The following NREP variants were observed in gnomAD, a reference collection of about 807,000 sequenced individuals.
The protein encoded by NREP is neuronal regeneration related protein, also known as neuronal regeneration-related protein.
NREP carries 5 observed loss-of-function variants against 8.6 expected under a neutral mutation model. The ratio of observed to expected loss-of-function variants is 0.58; its 90% CI spans 0.30 to 1.22. The LOEUF (loss-of-function observed/expected upper bound fraction) is 1.22. NREP is among the 50% of genes most tolerant of loss of function. The pLI is 0.07. For missense variants in NREP, 86 were observed against 82.5 expected (o/e 1.04, Z -0.17); for synonymous variants, 27 against 28.0 (o/e 0.96, Z 0.11).
At chr5:111,840,890 G>C (rs943959503) in intron 2 of NREP, among the ~76,000 whole-genome samples, 6 of 152,074 alleles carry the variant, frequency 3.9e-5, no homozygotes, top group African/African-American at 7.2e-5. Context: ...GCAAGGGTGT[G>C]AAAGAGAAAG....
intron 2 of NREP, among the ~76,000 whole-genome samples, chr5:111,884,337 T>G (rs1754177758): frequency 1.3e-5 from 2 of 151,624 alleles, no homozygotes; most frequent in African/African-American, 4.9e-5. Context: ...AATCAATAGT[T>G]TACCAACCAA....
intron 2 of NREP, among the ~76,000 whole-genome samples, chr5:111,889,364 C>T (rs1431146075): frequency 6.6e-6 from 1 of 152,190 alleles, no homozygotes; most frequent in Non-Finnish European, 1.5e-5. Flanking sequence ...GAAGGTGGCA[C>T]TAAACCACTC....
chr5:111,735,315 A>G, intron 3 of NREP, 115 bp downstream of exon 3: 1 of 629,386 alleles, frequency 1.6e-6, no homozygotes, highest in Non-Finnish European at 2.8e-6. Flanking sequence ...GTATCAGATT[A>G]ATGGATTGTT....
At chr5:111,929,816 A>G (rs1755487634) in intron 2 of NREP, among the ~76,000 whole-genome samples, 1 of 152,188 alleles carries the variant, frequency 6.6e-6, no homozygotes, top group Admixed American at 6.5e-5. Flanking sequence ...TAAAAGTTAA[A>G]TAAGTGATTA....
chr5:111,971,426 A>G (rs540840915), intron 2 of NREP, among the ~76,000 whole-genome samples: 1 of 152,304 alleles, frequency 6.6e-6, no homozygotes, highest in Admixed American at 6.5e-5. Flanking sequence ...AAACAAATAA[A>G]AAAAACACCA....
intron 2 of NREP, among the ~76,000 whole-genome samples, chr5:111,895,856 C>A (rs1207249712): frequency 3.3e-5 from 5 of 152,088 alleles, no homozygotes; most frequent in Non-Finnish European, 7.4e-5. Context: ...TCATGTACGG[C>A]CTTAGAAGGA....
At chr5:111,778,656 T>C (rs1450880162) in intron 2 of NREP, among the ~76,000 whole-genome samples, 1 of 152,180 alleles carries the variant, frequency 6.6e-6, no homozygotes, top group African/African-American at 2.4e-5. Flanking sequence ...GCACATATTT[T>C]TCAGTATTGC....
At chr5:111,840,914 A>G (rs932448540) in intron 2 of NREP, among the ~76,000 whole-genome samples, 2 of 152,112 alleles carry the variant, frequency 1.3e-5, no homozygotes, top group African/African-American at 4.8e-5. Context: ...TTTGCCTAAT[A>G]TAAAAGGAGA....
chr5:111,862,488 C>A (rs1462798507), intron 2 of NREP, among the ~76,000 whole-genome samples: 1 of 152,124 alleles, frequency 6.6e-6, no homozygotes, highest in Non-Finnish European at 1.5e-5. Flanking sequence ...CTCTTTCCCT[C>A]AAGGCAGCAA....
intron 2 of NREP, among the ~76,000 whole-genome samples, chr5:111,974,018 G>T (rs2112676770): frequency 6.6e-6 from 1 of 151,548 alleles, no homozygotes; most frequent in African/African-American, 2.4e-5. Context: ...TTTTCTCTGT[G>T]CTCTGACTGC....
intron 2 of NREP, among the ~76,000 whole-genome samples, chr5:111,752,719 T>C (rs1750440759): frequency 2.0e-5 from 3 of 152,194 alleles, no homozygotes; most frequent in South Asian, 2.1e-4. Flanking sequence ...TTCCAATTCC[T>C]AGGTCTCTGT....
intron 2 of NREP, among the ~76,000 whole-genome samples, chr5:111,882,849 C>A (rs1754122601): frequency 6.6e-6 from 1 of 152,230 alleles, no homozygotes; most frequent in East Asian, 1.9e-4. Flanking sequence ...AAAGGAACAA[C>A]CGGTACCAGC....
At chr5:111,767,539 T>G (rs1465808405) in intron 2 of NREP, among the ~76,000 whole-genome samples, 1 of 152,198 alleles carries the variant, frequency 6.6e-6, no homozygotes, top group East Asian at 1.9e-4. Context: ...GTTCTCTGTT[T>G]ATGCAAATGG....
chr5:111,842,784 C>G (rs574565388), intron 2 of NREP, among the ~76,000 whole-genome samples: 7 of 152,276 alleles, frequency 4.6e-5, no homozygotes, highest in Admixed American at 1.3e-4. Flanking sequence ...ACAACTTTTG[C>G]TTTTCTGAGA....
At position 111,829,169 on chromosome 5, in the gene NREP, T is replaced by C. The variant is rs138930009; in HGVS notation, c.136-93662A>G. ...GGTACATGTTGGGAAGACACAGAGA[T>C]GAGGTTGCAAAGCAAACCGTGTTCA... On this transcript the variant is annotated intron_variant, in intron 2 of 3. Transcript: ENST00000395634. Among the ~76,000 whole-genome samples, 61 of 152,074 alleles carry C rather than the reference T, an allele frequency of 4.0e-4. 1 individual carries two copies. In the East Asian group the frequency reaches 0.011, roughly 27 times the overall value.
intron 2 of NREP, among the ~76,000 whole-genome samples, chr5:111,891,670 G>C (rs1433682806): frequency 6.6e-6 from 1 of 152,196 alleles, no homozygotes; most frequent in East Asian, 1.9e-4. Context: ...TTCTGAGGAG[G>C]CCTCAGGAAG....
chr5:111,936,596 T>C (rs1247119550), intron 2 of NREP, among the ~76,000 whole-genome samples: 1 of 152,088 alleles, frequency 6.6e-6, no homozygotes, highest in East Asian at 1.9e-4. Context: ...TCCAGATAAA[T>C]TCACATTCTG....
At chr5:111,841,518 C>G (rs1482829230) in intron 2 of NREP, among the ~76,000 whole-genome samples, 1 of 152,120 alleles carries the variant, frequency 6.6e-6, no homozygotes, top group Non-Finnish European at 1.5e-5. Flanking sequence ...AAAAGATGGT[C>G]TGATACACTG....
At chr5:111,920,818 T>C (rs1382402640) in intron 2 of NREP, among the ~76,000 whole-genome samples, 2 of 152,184 alleles carry the variant, frequency 1.3e-5, no homozygotes, top group Non-Finnish European at 2.9e-5. Context: ...ATGTGCCTGG[T>C]TCAAGGTAGC....
Sources: allele counts gnomAD v4.1 joint callset (sites outside exome capture counted in the v4.1 genomes callset), GRCh38; gene constraint gnomAD v4.1.1; transcripts MANE v1.5; gene names NCBI Gene and HGNC (gene_info 2026-07-23, HGNC 2026-07-21).